MCPH1: variants seen among roughly 807,000 people sequenced by gnomAD.
The protein encoded by MCPH1 is microcephalin.
Under a neutral mutation model 84.5 loss-of-function variants are expected in MCPH1, and 104 were observed. The ratio of observed to expected loss-of-function variants is 1.23; its 90% CI spans 1.05 to 1.45. The LOEUF is 1.45. MCPH1 is among the 40% of genes most tolerant of loss of function. The pLI, the probability that MCPH1 is intolerant of heterozygous loss-of-function variation, is 0.00. For missense variants in MCPH1, 1,498 were observed against 1,005.7 expected (o/e 1.49, Z -6.62); for synonymous variants, 514 against 366.8 (o/e 1.40, Z -4.58).
intron 11 of MCPH1, among the ~76,000 whole-genome samples, chr8:6,497,952 A>T (rs1049313541): frequency 6.6e-6 from 1 of 152,218 alleles, no homozygotes. Context: ...TGTTCAAAGA[A>T]CTCTCAATGC....
intron 12 of MCPH1, among the ~76,000 whole-genome samples, chr8:6,592,742 C>A (rs1341727239): frequency 6.6e-6 from 1 of 150,986 alleles, no homozygotes; most frequent in Non-Finnish European, 1.5e-5. Flanking sequence ...GCAACCTCTG[C>A]CTCCCAGGCT....
At chr8:6,609,494 C>T (rs916157543) in intron 12 of MCPH1, among the ~76,000 whole-genome samples, 2 of 152,082 alleles carry the variant, frequency 1.3e-5, no homozygotes, top group Non-Finnish European at 2.9e-5. Flanking sequence ...TAAAAAAATC[C>T]AAGTTTGGCG....
intron 12 of MCPH1, among the ~76,000 whole-genome samples, chr8:6,599,290 T>A (rs1365809792): frequency 1.3e-5 from 2 of 151,868 alleles, no homozygotes; most frequent in African/African-American, 4.8e-5. Flanking sequence ...ACCTTTGGAA[T>A]TTTTTTTTCC....
intron 9 of MCPH1, among the ~76,000 whole-genome samples, chr8:6,476,001 C>G (rs1157491033): frequency 3.9e-5 from 6 of 152,142 alleles, no homozygotes. Context: ...AGCCCTGTTT[C>G]TGGTATGAGA....
chr8:6,472,631 T>A (rs1375949684), intron 9 of MCPH1, among the ~76,000 whole-genome samples: 1 of 152,106 alleles, frequency 6.6e-6, no homozygotes, highest in East Asian at 1.9e-4. Flanking sequence ...CATGCCTGGC[T>A]AATTTTTGTA....
intron 13 of MCPH1, among the ~76,000 whole-genome samples, chr8:6,636,047 T>C (rs1012155408): frequency 1.3e-5 from 2 of 152,192 alleles, no homozygotes; most frequent in African/African-American, 4.8e-5. Context: ...GCATATAAAT[T>C]CAGAGTCACG....
At chr8:6,515,008 T>C (rs1489394201) in intron 12 of MCPH1, among the ~76,000 whole-genome samples, 1 of 152,132 alleles carries the variant, frequency 6.6e-6, no homozygotes, top group Non-Finnish European at 1.5e-5. Context: ...TAATATAAAG[T>C]GTTGATGAGA....
intron 12 of MCPH1, among the ~76,000 whole-genome samples, chr8:6,534,729 G>C (rs1363589477): frequency 6.6e-6 from 1 of 152,238 alleles, no homozygotes; most frequent in East Asian, 1.9e-4. Flanking sequence ...AATGTGAAGA[G>C]TCTGAAATCT....
At chr8:6,513,499 A>G (rs1266637501) in intron 12 of MCPH1, among the ~76,000 whole-genome samples, 2 of 151,802 alleles carry the variant, frequency 1.3e-5, no homozygotes, top group East Asian at 3.9e-4. Flanking sequence ...CACCTGGCTA[A>G]TTTTTTTGTA....
chr8:6,445,728 T>C lies in MCPH1; in HGVS notation c.1825+181T>C, dbSNP rs1804255732. 3.6e-6 allele frequency: 5 copies of C among 1,403,516 alleles called. 1 individual carries two copies. The highest frequency in any genetic ancestry group is 4.6e-6 in the Non-Finnish European group (5 of 1,086,160). 86.9% of individuals were successfully genotyped at this position (1,403,516 alleles called of 1,614,324 possible). A position where few individuals can be genotyped will look rare whatever the true frequency, so the allele number is the denominator to read the frequency against. On this transcript the variant is annotated intron_variant, in intron 8 of 13. Transcript: ENST00000344683. ...CTTTAGGAATAGATGACTTGCTGTC[T>C]TGTGGAACTTCTAGACTTATTGGTT...
At chr8:6,406,987 T>G in intron 1 of MCPH1, 1 of 389,720 alleles carries the variant, frequency 2.6e-6, no homozygotes. Flanking sequence ...GTACTGCTTG[T>G]GCCCCAACCC....
chr8:6,504,553 A>T (rs1471245530), intron 12 of MCPH1, among the ~76,000 whole-genome samples: 1 of 152,142 alleles, frequency 6.6e-6, no homozygotes, highest in Non-Finnish European at 1.5e-5. Context: ...ATTTGACTTA[A>T]TAATGGCCCC....
intron 12 of MCPH1, among the ~76,000 whole-genome samples, chr8:6,533,834 C>G (rs1819997714): frequency 6.6e-6 from 1 of 152,098 alleles, no homozygotes; most frequent in East Asian, 1.9e-4. Flanking sequence ...ATGTTAACCA[C>G]TAAATAATTC....
intron 3 of MCPH1, among the ~76,000 whole-genome samples, chr8:6,418,212 C>T (rs1213473879): frequency 6.6e-6 from 1 of 152,102 alleles, no homozygotes; most frequent in Non-Finnish European, 1.5e-5. Flanking sequence ...AGAAAGGAGG[C>T]CGGAGCTTCT....
Position 6,563,064 on chromosome 8 carries a change from C to G in MCPH1, c.2215-58390C>G, listed in dbSNP as rs1825804186. 6.1e-6 allele frequency: 6 copies of G among 988,426 alleles called. No homozygotes were observed. In the East Asian group the frequency reaches 1.3e-4, roughly 22 times the overall value. 61.2% of individuals were successfully genotyped at this position (988,426 alleles called of 1,614,324 possible). On this transcript the variant is annotated intron_variant, in intron 12 of 13. Coordinates refer to ENST00000344683, the MANE Select transcript of MCPH1 (RefSeq NM_024596.5). ...GGCTGGGTCCGTCAATGAAAGTCTTCTCTTTCCTCTTTTTCCAGTAGCAAA... is the reference window on the plus strand; with the variant it reads ...GGCTGGGTCCGTCAATGAAAGTCTTGTCTTTCCTCTTTTTCCAGTAGCAAA...
intron 6 of MCPH1, among the ~76,000 whole-genome samples, chr8:6,441,132 AC>A (rs1372424938): frequency 6.6e-6 from 1 of 152,202 alleles, no homozygotes; most frequent in East Asian, 1.9e-4. Flanking sequence ...TGTAGTCTTG[AC>A]TGGGATGCAT....
chr8:6,509,245 C>T (rs1814439541), intron 12 of MCPH1, among the ~76,000 whole-genome samples: 1 of 152,218 alleles, frequency 6.6e-6, no homozygotes, highest in Non-Finnish European at 1.5e-5. Flanking sequence ...ATCATCAAAT[C>T]CTTCAGCAAA....
intron 12 of MCPH1, among the ~76,000 whole-genome samples, chr8:6,597,180 A>C (rs1279687849): frequency 6.6e-6 from 1 of 152,178 alleles, no homozygotes. Context: ...TGCAGTGAGA[A>C]TTAGAGGAGC....
chr8:6,409,529 C>G (rs917461897), intron 2 of MCPH1, among the ~76,000 whole-genome samples, 159 bp downstream of exon 2: 1 of 152,072 alleles, frequency 6.6e-6, no homozygotes, highest in Admixed American at 6.5e-5. Flanking sequence ...GAATTTAGAA[C>G]AGTAGGACTT....
Sources: gnomAD v4.1 joint callset for allele counts (sites outside exome capture counted in the v4.1 genomes callset) on GRCh38, gnomAD v4.1.1 for gene constraint, MANE v1.5 for transcripts, NCBI Gene and HGNC (gene_info 2026-07-23, HGNC 2026-07-21) for gene names.